Variants in DEK observed in about 807,000 individuals in gnomAD.
The protein encoded by DEK is DEK proto-oncogene.
In DEK, 28 loss-of-function variants were observed where a neutral mutation model predicts 46.8. The ratio of observed to expected loss-of-function variants is 0.60; its 90% CI spans 0.44 to 0.82. The LOEUF (loss-of-function observed/expected upper bound fraction) is 0.82. Ranked by LOEUF, DEK falls within the 40% of genes least tolerant of loss-of-function variation. The pLI is 0.00. For missense variants in DEK, 416 were observed against 430.6 expected (o/e 0.97, Z 0.30); for synonymous variants, 160 against 144.5 (o/e 1.11, Z -0.77).
chr6:18,251,612 C>A (rs1791377524), intron 6 of DEK, among the ~76,000 whole-genome samples: 1 of 152,168 alleles, frequency 6.6e-6, no homozygotes, highest in Non-Finnish European at 1.5e-5. Flanking sequence ...ATACACATAT[C>A]CTTGCTATGT....
At chr6:18,225,934 A>T in intron 10 of DEK, 1 of 689,410 alleles carries the variant, frequency 1.5e-6, no homozygotes, top group Non-Finnish European at 2.4e-6. Flanking sequence ...ATGCCCAGCT[A>T]CCCAGGTACA....
rs115123569 is a variant in DEK, at chr6:18,251,330, G to A, written c.574-1491C>T. 2.7e-3 allele frequency among the ~76,000 whole-genome samples: 404 copies of A among 152,276 alleles called. 2 individuals are homozygous for A. The highest frequency in any genetic ancestry group is 9.2e-3 in the African/African-American group (384 of 41,546). On this transcript the variant is annotated intron_variant, in intron 6 of 10. Transcript: ENST00000652689. ...AACTTTAGGCAATATTTTTCTTGCA[G>A]AGACTAGAACGACAGGTCCTTTACC...
In DEK at chr6:18,230,373, TAAC is replaced by T. The variant is rs1353441020; in HGVS notation, c.1048-4134_1048-4132del. ...ATAATGACAGGATCAAATTCACACA[TAAC>T]AACATTAACCTTAAATGTAAATGGG... On this transcript the variant is annotated intron_variant, in intron 9 of 10. Transcript: ENST00000652689. 7.2e-5 allele frequency among the ~76,000 whole-genome samples: 11 copies of T among 152,226 alleles called. No homozygotes were observed. In the East Asian group the frequency reaches 1.7e-3, roughly 24 times the overall value.
intron 4 of DEK, 67 bp downstream of exon 4, chr6:18,257,886 C>T: frequency 8.4e-7 from 1 of 1,184,988 alleles, no homozygotes; most frequent in Admixed American, 2.3e-5. Context: ...GGATCACTAA[C>T]ATTTACAGAA....
In DEK at chr6:18,255,878, G is replaced by T. The variant is rs199538619; in HGVS notation, c.453-27C>A. On this transcript the variant is annotated intron_variant, in intron 5 of 10. Coordinates refer to ENST00000652689, the MANE Select transcript of DEK (RefSeq NM_003472.4). ...TGAAACAGAAAATGGAAGAAACCAA[G>T]GTGTTAATATAGGAAAGCTTACATA... The T allele has an allele frequency of 2.2e-5, 35 of 1,587,626 alleles. No homozygotes were observed. In the East Asian group the frequency reaches 7.8e-4, roughly 36 times the overall value.
chr6:18,245,361 T>C (rs548243216), intron 7 of DEK, among the ~76,000 whole-genome samples: 1 of 152,334 alleles, frequency 6.6e-6, no homozygotes, highest in South Asian at 2.1e-4. Context: ...AATGTCCCTG[T>C]CTGTGGGCTT....
At chr6:18,250,445 G>A (rs1362591536) in intron 6 of DEK, among the ~76,000 whole-genome samples, 1 of 151,864 alleles carries the variant, frequency 6.6e-6, no homozygotes, top group Non-Finnish European at 1.5e-5. Flanking sequence ...GTCCAGCCTG[G>A]GCAACAGTGT....
chr6:18,256,380 T>C lies in DEK; in HGVS notation c.433A>G (p.Lys145Glu). Reference protein sequence around the residue: ...FEKGSVQYKKKEEMLKKFRNA... With the variant: ...FEKGSVQYKKEEEMLKKFRNA... ...ACTTACTTTTTCAACATTTCTTCCTTCTTTTTATATTGGACACTTCCTTTT... is the reference window on the plus strand; with the variant it reads ...ACTTACTTTTTCAACATTTCTTCCTCCTTTTTATATTGGACACTTCCTTTT... The change falls in exon 5 of 11, where the codon AAG becomes GAG. Residue 145 changes from lysine to glutamate, a missense_variant. Coordinates refer to ENST00000652689, the MANE Select transcript of DEK (RefSeq NM_003472.4). 6.2e-7 allele frequency: 1 copy of C among 1,612,858 alleles called. No homozygotes were observed. Among genetic ancestry groups the C allele is most frequent in the Non-Finnish European group, 8.5e-7 (1 of 1,179,452 alleles).
At position 18,260,187 on chromosome 6, in the gene DEK, TTTATA is replaced by T. The variant is rs1791793385; in HGVS notation, c.146-1787_146-1783del. ...AACCTATGACCATCTTCCCATATAC[TTTATA>T]TCATCTGTAGATTACTCATAATGAC... On this transcript the variant is annotated intron_variant, in intron 2 of 10. Coordinates refer to ENST00000652689, the MANE Select transcript of DEK (RefSeq NM_003472.4). Among the ~76,000 whole-genome samples the T allele has an allele frequency of 3.3e-5, 5 of 152,210 alleles. No individual in the cohort carries two copies. The South Asian group carries it at 1.0e-3, about 31-fold the overall frequency.
At chr6:18,227,382 T>C (rs1790187601) in intron 9 of DEK, among the ~76,000 whole-genome samples, 1 of 152,210 alleles carries the variant, frequency 6.6e-6, no homozygotes, top group South Asian at 2.1e-4. Context: ...TTTATGTGTA[T>C]GCATATCTAA....
intron 9 of DEK, among the ~76,000 whole-genome samples, chr6:18,231,007 TAACA>T (rs1790393036): frequency 6.7e-6 from 1 of 148,266 alleles, no homozygotes; most frequent in Non-Finnish European, 1.5e-5. Flanking sequence ...TGTAAAATTT[TAACA>T]AACTCTCTCT....
Position 18,237,501 on chromosome 6 carries a change from C to G in DEK, c.778G>C (p.Ala260Pro). The G allele has an allele frequency of 6.3e-7, 1 of 1,599,974 alleles. No homozygotes were observed. Among genetic ancestry groups the G allele is most frequent in the Non-Finnish European group, 8.5e-7 (1 of 1,176,614 alleles). Residue 260 changes from alanine (A) to proline (P), a missense_variant, in exon 8 of 11, where the codon GCC (alanine) becomes CCC (proline). Physicochemically the swap from Ala to Pro is conservative, Grantham distance 27 (BLOSUM62 -1). Coordinates refer to ENST00000652689, the MANE Select transcript of DEK (RefSeq NM_003472.4). ...ESEEEPPKKT[A>P]KREKPKQKAT... Reference sequence around the variant, plus strand: ...TTCTGTTTAGGTTTTTCTCTTTTGGCTGTCTTTTTTGGTGGCTGTTACAAA... The same window carrying G: ...TTCTGTTTAGGTTTTTCTCTTTTGGGTGTCTTTTTTGGTGGCTGTTACAAA...
intron 2 of DEK, among the ~76,000 whole-genome samples, chr6:18,258,638 T>A (rs560549280): frequency 6.8e-6 from 1 of 148,100 alleles, no homozygotes; most frequent in Non-Finnish European, 1.5e-5. Context: ...GGGACTCAGT[T>A]AAAAAAAAAA....
At chr6:18,242,951 A>G (rs776223949) in intron 7 of DEK, among the ~76,000 whole-genome samples, 3 of 152,162 alleles carry the variant, frequency 2.0e-5, no homozygotes, top group African/African-American at 4.8e-5. Flanking sequence ...ACAGTGCAGG[A>G]TAAGTGCTTA....
At chr6:18,242,092 A>G (rs1394726758) in intron 7 of DEK, among the ~76,000 whole-genome samples, 1 of 152,246 alleles carries the variant, frequency 6.6e-6, no homozygotes, top group African/African-American at 2.4e-5. Context: ...TACATAAACA[A>G]GAAGCTTTAG....
At chr6:18,244,199 G>C (rs1283347692) in intron 7 of DEK, among the ~76,000 whole-genome samples, 1 of 152,104 alleles carries the variant, frequency 6.6e-6, no homozygotes, top group Non-Finnish European at 1.5e-5. Flanking sequence ...AGAAAAAGCT[G>C]ATTTCCAAAT....
chr6:18,231,448 A>G (rs577987766), intron 9 of DEK, among the ~76,000 whole-genome samples: 1 of 152,316 alleles, frequency 6.6e-6, no homozygotes, highest in South Asian at 2.1e-4. Flanking sequence ...TTTTGAAAAG[A>G]TCAATAAAAT....
At chr6:18,252,921 T>C (rs973558924) in intron 6 of DEK, among the ~76,000 whole-genome samples, 2 of 152,214 alleles carry the variant, frequency 1.3e-5, no homozygotes, top group African/African-American at 4.8e-5. Context: ...ATAATGTCCT[T>C]GATAAAACAA....
Position 18,238,324 on chromosome 6 carries a change from T to C in DEK, c.763-808A>G, listed in dbSNP as rs530486700. Among the ~76,000 whole-genome samples the C allele has an allele frequency of 1.1e-4, 17 of 152,316 alleles. No homozygotes were observed. The East Asian group carries it at 1.5e-3, about 14-fold the overall frequency. On this transcript the variant is annotated intron_variant, in intron 7 of 10. Coordinates refer to ENST00000652689, the MANE Select transcript of DEK (RefSeq NM_003472.4). The stretch of plus-strand genomic sequence containing the variant: ...TTAATAAACATGCAAGATTCAAATA[T>C]AGATGTGACTCCAGAACTTGTGTTC...
Sources: gnomAD v4.1 joint callset for allele counts (sites outside exome capture counted in the v4.1 genomes callset) on GRCh38, gnomAD v4.1.1 for gene constraint, MANE v1.5 for transcripts, NCBI Gene and HGNC (gene_info 2026-07-23, HGNC 2026-07-21) for gene names.